Variants in AHCY observed in about 807,000 individuals in gnomAD.
AHCY encodes S-adenosyl-L-homocysteine hydrolase.
In AHCY, 24 loss-of-function variants were observed where a neutral mutation model predicts 45.4. That is an observed-to-expected ratio of 0.53 (90% CI 0.38 to 0.74). AHCY has a LOEUF of 0.74. Among genes scored for constraint, AHCY ranks in the 30% least tolerant of loss-of-function variants. The pLI, the probability that AHCY is intolerant of heterozygous loss-of-function variation, is 0.00. For missense variants in AHCY, 449 were observed against 594.1 expected (o/e 0.76, Z 2.54); for synonymous variants, 245 against 235.1 (o/e 1.04, Z -0.39).
At chr20:34,267,401 G>A in the AHCY span, among the ~76,000 whole-genome samples, 3 of 144,322 alleles carry the variant, frequency 2.1e-5, no homozygotes, top group Non-Finnish European at 4.5e-5. Context: ...GCCAGGCGCG[G>A]TGGCTCACAT....
At chr20:34,252,420 G>A in the AHCY span, among the ~76,000 whole-genome samples, 1 of 152,206 alleles carries the variant, frequency 6.6e-6, no homozygotes, top group African/African-American at 2.4e-5. Flanking sequence ...ACTGTGCCTG[G>A]ATGTGCACGT....
chr20:34,307,798 A>T (rs34062532), upstream of AHCY, among the ~76,000 whole-genome samples: 282 of 152,324 alleles, frequency 1.9e-3, no homozygotes, highest in African/African-American at 5.4e-3. Flanking sequence ...AATTAAAAAA[A>T]TTTTTTAACT....
chr20:34,274,293 G>A, the AHCY span, among the ~76,000 whole-genome samples: 109 of 152,240 alleles, frequency 7.2e-4, no homozygotes, highest in African/African-American at 2.6e-3. Flanking sequence ...CTGTAAATAA[G>A]AGAACTGGGG....
chr20:34,269,735 T>A, the AHCY span, among the ~76,000 whole-genome samples: 3 of 151,600 alleles, frequency 2.0e-5, no homozygotes, highest in African/African-American at 4.8e-5. Context: ...TCCTGAGGTC[T>A]GGAGATCGAG....
chr20:34,303,743 C>T (rs1304244964), upstream of AHCY, among the ~76,000 whole-genome samples: 1 of 152,170 alleles, frequency 6.6e-6, no homozygotes, highest in Admixed American at 6.5e-5. Flanking sequence ...CCTGTAATCC[C>T]AGCACTTTGG....
downstream of AHCY, among the ~76,000 whole-genome samples, chr20:34,278,113 C>T (rs2035924486): frequency 6.7e-6 from 1 of 149,568 alleles, no homozygotes; most frequent in African/African-American, 2.6e-5. Context: ...GCAGGAGACA[C>T]ATCATCTTTC....
chr20:34,296,740 T>C (rs1393665025), intron 1 of AHCY, among the ~76,000 whole-genome samples: 1 of 152,122 alleles, frequency 6.6e-6, no homozygotes, highest in Non-Finnish European at 1.5e-5. Context: ...GGTCTAAGAC[T>C]CCTGGTGATT....
chr20:34,269,734 C>G, the AHCY span, among the ~76,000 whole-genome samples: 3 of 151,830 alleles, frequency 2.0e-5, no homozygotes, highest in African/African-American at 4.8e-5. Context: ...CTCCTGAGGT[C>G]TGGAGATCGA....
the AHCY span, among the ~76,000 whole-genome samples, chr20:34,235,866 A>AAGGAAGGAAAGGAAGG: frequency 8.1e-5 from 3 of 36,864 alleles, no homozygotes; most frequent in Non-Finnish European, 1.2e-4. Context: ...GGAAGGAAGG[A>AAGGAAGGAAAGGAAGG]AAGGAAGGAA....
At chr20:34,279,262 C>CA (rs1016977789), downstream of AHCY, among the ~76,000 whole-genome samples, 5 of 148,534 alleles carry the variant, frequency 3.4e-5, no homozygotes, top group Non-Finnish European at 7.5e-5. Flanking sequence ...AAAAAAAATA[C>CA]AAAAAAAAAT....
the AHCY span, among the ~76,000 whole-genome samples, chr20:34,258,777 T>G: frequency 4.9e-4 from 50 of 102,012 alleles, 1 homozygote; most frequent in East Asian, 0.014. Context: ...ATAATATATA[T>G]AGTATATATA....
rs1356972248 is a variant in AHCY at position 34,303,229 on chromosome 20, G to A, written c.28+14C>T. The A allele has an allele frequency of 1.3e-6, 2 of 1,551,294 alleles. No homozygotes were observed. Among genetic ancestry groups the A allele is most frequent in the Admixed American group, 2.0e-5 (1 of 50,992 alleles). ...GCCGGGCGGCCGCAACCGGCTGCAG[G>A]TCCTGGGACTCACCGACTTTGTAGG... On this transcript the variant is annotated intron_variant, in intron 1 of 9. Coordinates refer to ENST00000217426, the MANE Select transcript of AHCY (RefSeq NM_000687.4).
At chr20:34,250,674 G>A in the AHCY span, among the ~76,000 whole-genome samples, 2 of 152,164 alleles carry the variant, frequency 1.3e-5, no homozygotes, top group Non-Finnish European at 1.5e-5. Context: ...GTGCATGCCT[G>A]TAATCCCAGC....
At chr20:34,243,196 A>C in the AHCY span, among the ~76,000 whole-genome samples, 1 of 152,212 alleles carries the variant, frequency 6.6e-6, no homozygotes, top group Non-Finnish European at 1.5e-5. Context: ...TTGAGAAGGG[A>C]CACAGCCTCA....
chr20:34,281,681 T>C, intron 9 of AHCY: 1 of 202,272 alleles, frequency 4.9e-6, no homozygotes, highest in South Asian at 8.9e-5. Context: ...TAAAGTTCTT[T>C]TTTTTGTGAC....
the AHCY span, among the ~76,000 whole-genome samples, chr20:34,258,816 A>T: frequency 1.7e-5 from 2 of 119,914 alleles, no homozygotes; most frequent in Non-Finnish European, 3.4e-5. Context: ...TGATATATAT[A>T]ATACTATATA....
At chr20:34,256,014 C>G in the AHCY span, among the ~76,000 whole-genome samples, 1 of 152,268 alleles carries the variant, frequency 6.6e-6, no homozygotes. Flanking sequence ...TGCTGTGCTT[C>G]AGCGGTCACG....
the AHCY span, among the ~76,000 whole-genome samples, chr20:34,268,785 C>G: frequency 6.6e-6 from 1 of 151,452 alleles, no homozygotes; most frequent in Non-Finnish European, 1.5e-5. Context: ...AGGGAGAAGA[C>G]GACCAGGGCC....
the AHCY span, chr20:34,269,223 C>T: frequency 4.9e-6 from 7 of 1,435,394 alleles, no homozygotes; most frequent in African/African-American, 3.0e-5. Context: ...GGGCGCTTCT[C>T]GGGCGGGTGA....
Sources: allele counts gnomAD v4.1 joint callset (sites outside exome capture counted in the v4.1 genomes callset), GRCh38; gene constraint gnomAD v4.1.1; transcripts MANE v1.5; gene names NCBI Gene and HGNC (gene_info 2026-07-23, HGNC 2026-07-21).